The following CNTLN variants were observed in gnomAD, a reference collection of about 807,000 sequenced individuals.
The protein encoded by CNTLN is centlein, centrosomal protein.
Under a neutral mutation model 180.0 loss-of-function variants are expected in CNTLN, and 212 were observed. The observed-to-expected ratio is 1.18, with a 90% CI of 1.05 to 1.32. CNTLN has a LOEUF of 1.32. Among genes scored for constraint, CNTLN ranks in the 40% most tolerant of loss-of-function variants. The pLI, the probability that CNTLN is intolerant of heterozygous loss-of-function variation, is 0.00. For synonymous variants in CNTLN, 722 were observed against 563.1 expected, an observed-to-expected ratio of 1.28 and a Z score of -3.99; for missense variants, 2,095 against 1,610.9, an observed-to-expected ratio of 1.30 and a Z score of -5.14.
chr9:17,171,302 T>C (rs79298739), intron 2 of CNTLN, among the ~76,000 whole-genome samples: 2,898 of 152,300 alleles, frequency 0.019, 59 homozygotes, highest in African/African-American at 0.05. Context: ...ACTTTACACA[T>C]TGATTTCAGT....
chr9:17,307,575 A>G (rs1019686108), intron 7 of CNTLN, among the ~76,000 whole-genome samples: 1 of 149,226 alleles, frequency 6.7e-6, no homozygotes, highest in Non-Finnish European at 1.5e-5. Flanking sequence ...AGCCAGAGAT[A>G]CATTTTTTTT....
chr9:17,257,211 G>A (rs1453979323), intron 5 of CNTLN, among the ~76,000 whole-genome samples: 2 of 151,840 alleles, frequency 1.3e-5, no homozygotes, highest in East Asian at 3.9e-4. Context: ...CCACCTATGA[G>A]TGAGAATATG....
intron 15 of CNTLN, among the ~76,000 whole-genome samples, chr9:17,403,410 T>C (rs1827134022): frequency 6.6e-6 from 1 of 151,642 alleles, no homozygotes; most frequent in African/African-American, 2.4e-5. Flanking sequence ...ACTGGCACTG[T>C]TGAATATTCA....
chr9:17,149,442 A>G (rs1444101510), intron 2 of CNTLN, among the ~76,000 whole-genome samples: 1 of 152,038 alleles, frequency 6.6e-6, no homozygotes, highest in African/African-American at 2.4e-5. Flanking sequence ...CAACAGTGTA[A>G]AAGTGTTTCT....
At chr9:17,333,310 G>A (rs896084054) in intron 10 of CNTLN, among the ~76,000 whole-genome samples, 39 of 152,070 alleles carry the variant, frequency 2.6e-4, no homozygotes, top group African/African-American at 9.2e-4. Flanking sequence ...CATACTTTGT[G>A]AAATCTCTTT....
chr9:17,421,255 T>C (rs754002183), intron 18 of CNTLN, among the ~76,000 whole-genome samples: 10 of 152,288 alleles, frequency 6.6e-5, no homozygotes, highest in Admixed American at 2.6e-4. Flanking sequence ...ACTCCGGTGC[T>C]GGATATATAG....
the CNTLN span, among the ~76,000 whole-genome samples, chr9:17,513,032 A>C: frequency 1.3e-5 from 2 of 152,054 alleles, no homozygotes; most frequent in African/African-American, 2.4e-5. Context: ...TGTTAGCCAG[A>C]ATGGTCTCAA....
At position 17,380,639 on chromosome 9, in the gene CNTLN, G is replaced by A. The variant is rs906304565; in HGVS notation, c.1988-7523G>A. On this transcript the variant is annotated intron_variant, in intron 13 of 25. Transcript: ENST00000380647. ...GCCTGACAAATCACATGTAAGGTTT[G>A]GCCAGGAGCTAGATTCCTCAGTCTT... 2.0e-5 allele frequency among the ~76,000 whole-genome samples: 3 copies of A among 152,148 alleles called. No individual in the cohort carries two copies. The East Asian group carries it at 5.8e-4, about 29-fold the overall frequency.
chr9:17,526,824 T>G, the CNTLN span, among the ~76,000 whole-genome samples: 1 of 152,088 alleles, frequency 6.6e-6, no homozygotes, highest in African/African-American at 2.4e-5. Flanking sequence ...ATGCTTACAA[T>G]TTTTCAGTTA....
chr9:17,149,806 T>C (rs1006863289), intron 2 of CNTLN, among the ~76,000 whole-genome samples: 1 of 152,250 alleles, frequency 6.6e-6, no homozygotes, highest in South Asian at 2.1e-4. Context: ...CATGAGCCAC[T>C]GCACCTGGCC....
chr9:17,371,538 A>G (rs1824317179), intron 13 of CNTLN, among the ~76,000 whole-genome samples: 1 of 152,158 alleles, frequency 6.6e-6, no homozygotes, highest in Non-Finnish European at 1.5e-5. Context: ...TTAGTATCCC[A>G]CTTTCAGCAT....
chr9:17,199,180 C>T (rs1384284531), intron 2 of CNTLN, among the ~76,000 whole-genome samples: 13 of 150,598 alleles, frequency 8.6e-5, no homozygotes, highest in African/African-American at 2.9e-4. Flanking sequence ...ACTGCAGCCT[C>T]GCCAGCATCT....
chr9:17,443,330 G>C (rs925117349), intron 18 of CNTLN, among the ~76,000 whole-genome samples: 1 of 152,074 alleles, frequency 6.6e-6, no homozygotes, highest in Non-Finnish European at 1.5e-5. Context: ...AATATACAAA[G>C]ATAATAGGAC....
intron 13 of CNTLN, among the ~76,000 whole-genome samples, chr9:17,374,716 G>A (rs1231257965): frequency 6.6e-6 from 1 of 151,958 alleles, no homozygotes; most frequent in African/African-American, 2.4e-5. Context: ...AAAATGAGAG[G>A]GGTGTGGTGG....
intron 2 of CNTLN, among the ~76,000 whole-genome samples, chr9:17,217,060 G>A (rs977271970): frequency 2.0e-5 from 3 of 152,338 alleles, no homozygotes; most frequent in Admixed American, 2.0e-4. Context: ...CAAGGTGAGA[G>A]TACTTGCAAT....
chr9:17,418,414 A>G (rs1191054492), intron 18 of CNTLN, among the ~76,000 whole-genome samples: 2 of 151,970 alleles, frequency 1.3e-5, no homozygotes, highest in African/African-American at 4.8e-5. Context: ...ACATTGGTAT[A>G]GTCTTTCTGG....
At chr9:17,342,700 T>C (rs532776457) in intron 12 of CNTLN, among the ~76,000 whole-genome samples, 1 of 152,284 alleles carries the variant, frequency 6.6e-6, no homozygotes, top group South Asian at 2.1e-4. Context: ...CTCTCATCTG[T>C]TGGAGGTGTC....
intron 5 of CNTLN, among the ~76,000 whole-genome samples, chr9:17,247,834 C>CT (rs1217713916): frequency 0.21 from 20,299 of 95,378 alleles, 1,866 homozygotes; most frequent in South Asian, 0.31. Flanking sequence ...TCTGTTCTTT[C>CT]TTTTTTTTTT....
rs532354041 is a variant in CNTLN at position 17,267,086 on chromosome 9, G to A, written c.850-6647G>A. Among the ~76,000 whole-genome samples the A allele has an allele frequency of 1.0e-3, 157 of 152,250 alleles. No homozygotes were observed. In the Middle Eastern group the frequency reaches 0.034, roughly 33 times the overall value. On this transcript the variant is annotated intron_variant, in intron 5 of 25. Transcript: ENST00000380647. ...GTGAATTTGGGCCTGTCATTATGAT[G>A]TTAGCTGGTTATTTTGCTCGTTAGT... is the stretch of plus-strand genomic sequence containing the variant.
Sources: gnomAD v4.1 joint callset for allele counts (sites outside exome capture counted in the v4.1 genomes callset) on GRCh38, gnomAD v4.1.1 for gene constraint, MANE v1.5 for transcripts, NCBI Gene and HGNC (gene_info 2026-07-23, HGNC 2026-07-21) for gene names.